PARD6B: variants seen among roughly 807,000 people sequenced by gnomAD.
PARD6B encodes par-6 family cell polarity regulator beta.
A neutral mutation model predicts 10.5 loss-of-function variants in PARD6B; 4 were observed. The ratio of observed to expected loss-of-function variants is 0.38; its 90% CI spans 0.19 to 0.87. The LOEUF is 0.87. Ranked by LOEUF, PARD6B falls within the 40% of genes least tolerant of loss-of-function variation. The pLI is 0.41. For synonymous variants in PARD6B, 169 were observed against 170.4 expected (o/e 0.99, Z 0.07); for missense variants, 396 against 470.6 (o/e 0.84, Z 1.47).
At position 50,738,029 on chromosome 20, in the gene PARD6B, A is replaced by G; in HGVS notation, c.239A>G (p.Lys80Arg). The G allele has an allele frequency of 6.2e-7, 1 of 1,612,642 alleles. No individual in the cohort carries two copies. The change falls in exon 2 of 3, where the codon AAA becomes AGA. Residue 80 changes from lysine to arginine, a missense_variant. Lys to Arg is a conservative substitution (Grantham distance 26). Transcript: ENST00000371610. ...LPINNDDNYH[K>R]AVSTANPLLR... ...ATAAATAATGATGATAATTATCACA[A>G]AGCTGTTTCAACGGCCAATCCACTG... is the stretch of plus-strand genomic sequence containing the variant.
chr20:50,745,127 C>G (rs188587923), intron 2 of PARD6B, among the ~76,000 whole-genome samples: 20 of 152,286 alleles, frequency 1.3e-4, no homozygotes, highest in African/African-American at 4.8e-4. Context: ...GATATTTAAT[C>G]TTTTTAAAGT....
intron 1 of PARD6B, among the ~76,000 whole-genome samples, chr20:50,735,530 T>A (rs777466538): frequency 3.3e-5 from 5 of 152,254 alleles, no homozygotes; most frequent in Admixed American, 2.6e-4. Context: ...CAAACTAGGC[T>A]ATGAAACAGT....
chr20:50,731,780 G>A lies in PARD6B; in HGVS notation c.-7G>A. The stretch of plus-strand genomic sequence containing the variant: ...GGAGGAGGCCGTCGCGGGGCTCGGC[G>A]TTCAGCATGAACCGCAGCCACCGGC... On this transcript the variant is annotated 5_prime_UTR_variant, in exon 1 of 3. Transcript: ENST00000371610. 6.9e-7 allele frequency: 1 copy of A among 1,456,868 alleles called. No homozygotes were observed. Among genetic ancestry groups the A allele is most frequent in the South Asian group, 1.3e-5 (1 of 75,412 alleles). 90.2% of individuals were successfully genotyped at this position (1,456,868 alleles called of 1,614,324 possible). A position where few individuals can be genotyped will look rare whatever the true frequency, so the allele number is the denominator to read the frequency against.
intron 1 of PARD6B, 22 bp downstream of exon 1, chr20:50,731,874 C>CG: frequency 4.9e-6 from 7 of 1,418,202 alleles, no homozygotes; most frequent in Non-Finnish European, 6.4e-6. Flanking sequence ...CCGGGCTGGG[C>CG]GGAGCGGCGG....
intron 2 of PARD6B, among the ~76,000 whole-genome samples, chr20:50,741,724 T>C (rs566628400): frequency 1.3e-5 from 2 of 151,942 alleles, no homozygotes; most frequent in Non-Finnish European, 2.9e-5. Context: ...TTTTTTGTAT[T>C]GTTAGTAGAG....
chr20:50,751,082 A>C lies in PARD6B; in HGVS notation c.*594A>C, dbSNP rs897831258. 2.1e-6 allele frequency: 1 copy of C among 476,816 alleles called. No homozygotes were observed. Among genetic ancestry groups the C allele is most frequent in the Non-Finnish European group, 2.7e-6 (1 of 375,058 alleles). The allele number at this position is 476,816 out of a possible 1,614,324, so 29.5% of individuals were successfully genotyped here. A position where few individuals can be genotyped will look rare whatever the true frequency, so the allele number is the denominator to read the frequency against. On this transcript the variant is annotated 3_prime_UTR_variant, in exon 3 of 3. Transcript: ENST00000371610. ...TCCCCTGGGCTCAAGCAGTCCTCCCACCTCAGCCTCCTGAGTAGCTGGGAC... is the reference window on the plus strand; with the variant it reads ...TCCCCTGGGCTCAAGCAGTCCTCCCCCCTCAGCCTCCTGAGTAGCTGGGAC...
chr20:50,732,035 C>T (rs1417909338), intron 1 of PARD6B, among the ~76,000 whole-genome samples, 183 bp downstream of exon 1: 1 of 152,208 alleles, frequency 6.6e-6, no homozygotes, highest in Non-Finnish European at 1.5e-5. Context: ...TCAGGGGGCG[C>T]TAGTGTCCGC....
chr20:50,732,439 C>G (rs2087476759), intron 1 of PARD6B, among the ~76,000 whole-genome samples: 2 of 152,212 alleles, frequency 1.3e-5, no homozygotes, highest in Admixed American at 1.3e-4. Context: ...TCTAGATGCT[C>G]TTTTCATTCC....
chr20:50,746,787 A>C (rs2087569804), intron 2 of PARD6B, among the ~76,000 whole-genome samples: 1 of 152,222 alleles, frequency 6.6e-6, no homozygotes, highest in Non-Finnish European at 1.5e-5. Flanking sequence ...GTATGTAGGC[A>C]ACGTAATACT....
At chr20:50,741,452 T>C (rs563490864) in intron 2 of PARD6B, among the ~76,000 whole-genome samples, 16 of 152,262 alleles carry the variant, frequency 1.1e-4, no homozygotes, top group Admixed American at 7.9e-4. Flanking sequence ...CCTGGAAATA[T>C]CTTATTTAAG....
chr20:50,731,924 C>T, intron 1 of PARD6B, 72 bp downstream of exon 1: 1 of 1,258,130 alleles, frequency 7.9e-7, no homozygotes, highest in Non-Finnish European at 1.0e-6. Context: ...GGGCCAGGCT[C>T]GGAGCGCCGG....
chr20:50,752,426 AG>A lies in PARD6B; in HGVS notation c.*1939del. 2.8e-5 allele frequency: 28 copies of A among 985,724 alleles called. No individual in the cohort carries two copies. The highest frequency in any genetic ancestry group is 3.4e-5 in the Non-Finnish European group (28 of 829,830). The allele number at this position is 985,724 out of a possible 1,614,324, so 61.1% of individuals were successfully genotyped here. On this transcript the variant is annotated 3_prime_UTR_variant, in exon 3 of 3. Transcript: ENST00000371610. Reference sequence around the variant, plus strand: ...CATAGTATTCACCTGTGACAGGTAGAGTTTATCACTATTAATTTTATGAGGC... The same window carrying A: ...CATAGTATTCACCTGTGACAGGTAGATTTATCACTATTAATTTTATGAGGC...
intron 2 of PARD6B, 119 bp downstream of exon 2, chr20:50,738,198 T>C (rs1014166125): frequency 3.2e-6 from 2 of 622,120 alleles, no homozygotes; most frequent in Non-Finnish European, 5.3e-6. Flanking sequence ...TGAATCTTCT[T>C]ATGTTAACTA....
rs899810660 is a variant in PARD6B at position 50,751,174 on chromosome 20, T to C, written c.*686T>C. 26 of 762,494 alleles carry C rather than the reference T, an allele frequency of 3.4e-5. No individual in the cohort carries two copies. The African/African-American group carries it at 4.4e-4, about 13-fold the overall frequency. 47.2% of individuals were successfully genotyped at this position (762,494 alleles called of 1,614,324 possible). A position where few individuals can be genotyped will look rare whatever the true frequency, so the allele number is the denominator to read the frequency against. On this transcript the variant is annotated 3_prime_UTR_variant, in exon 3 of 3. Coordinates refer to ENST00000371610, the MANE Select transcript of PARD6B (RefSeq NM_032521.3). ...TTGTAGAGACAGGGTTTCGCCATGT[T>C]GCCCAAGTTGGTCTTGAACTCCTGG...
rs895488593 is a variant in PARD6B, at chr20:50,752,177, T to G, written c.*1689T>G. ...TCCTTTAACCTATTCTTGTTCCCATTCCCAGTCTCATTTGAAATCATTCCT... is the reference window on the plus strand; with the variant it reads ...TCCTTTAACCTATTCTTGTTCCCATGCCCAGTCTCATTTGAAATCATTCCT... On this transcript the variant is annotated 3_prime_UTR_variant, in exon 3 of 3. Transcript: ENST00000371610. 4 of 985,606 alleles carry G rather than the reference T, an allele frequency of 4.1e-6. No individual in the cohort carries two copies. In the African/African-American group the frequency reaches 7.0e-5, roughly 17 times the overall value. The allele number at this position is 985,606 out of a possible 1,614,324, so 61.1% of individuals were successfully genotyped here. A position where few individuals can be genotyped will look rare whatever the true frequency, so the allele number is the denominator to read the frequency against.
At chr20:50,738,800 ACTTT>A (rs1186873203) in intron 2 of PARD6B, among the ~76,000 whole-genome samples, 4 of 152,098 alleles carry the variant, frequency 2.6e-5, no homozygotes, top group East Asian at 1.9e-4. Context: ...TTTGGCAATA[ACTTT>A]CTTTCTTTCT....
intron 2 of PARD6B, among the ~76,000 whole-genome samples, chr20:50,747,489 C>CTTTTTTTTTTTTTT (rs58629233): frequency 3.0e-4 from 10 of 33,350 alleles, no homozygotes; most frequent in Admixed American, 5.1e-4. Flanking sequence ...TTCTTTCTTT[C>CTTTTTTTTTTTTTT]TTTTTTTTTT....
Position 50,738,097 on chromosome 20 carries a change from GA to G in PARD6B, c.289+23del. On this transcript the variant is annotated intron_variant, in intron 2 of 2. Transcript: ENST00000371610. ...AAAGAAGGGTAAGTATCACTGTTTA[GA>G]AAAATTGTGTTAGAAATAGAAATAG... is the stretch of plus-strand genomic sequence containing the variant. The G allele has an allele frequency of 6.6e-7, 1 of 1,523,116 alleles. No homozygotes were observed. The highest frequency in any genetic ancestry group is 8.9e-7 in the Non-Finnish European group (1 of 1,124,148). The allele number at this position is 1,523,116 out of a possible 1,614,324, so 94.4% of individuals were successfully genotyped here.
intron 2 of PARD6B, among the ~76,000 whole-genome samples, chr20:50,743,832 T>C (rs1214078859): frequency 6.8e-6 from 1 of 146,446 alleles, no homozygotes; most frequent in Non-Finnish European, 1.5e-5. Flanking sequence ...GAGCTTGCAG[T>C]GAGCCTAGAT....
Sources: gnomAD v4.1 joint callset for allele counts (sites outside exome capture counted in the v4.1 genomes callset) on GRCh38, gnomAD v4.1.1 for gene constraint, MANE v1.5 for transcripts, NCBI Gene and HGNC (gene_info 2026-07-23, HGNC 2026-07-21) for gene names.